Variants in CEP170B observed in about 807,000 individuals in gnomAD.
CEP170B encodes centrosomal protein 170B, also known as centrosomal protein of 170 kDa protein B.
Under a neutral mutation model 120.6 loss-of-function variants are expected in CEP170B, and 55 were observed. The ratio of observed to expected loss-of-function variants is 0.46; its 90% confidence interval spans 0.37 to 0.57. The LOEUF is 0.57. Ranked by LOEUF, CEP170B falls within the 20% of genes least tolerant of loss-of-function variation. The pLI, the probability that CEP170B is intolerant of heterozygous loss-of-function variation, is 0.00. For synonymous variants in CEP170B, 1,033 were observed against 954.5 expected, an observed-to-expected ratio of 1.08 and a Z score of -1.52; for missense variants, 2,212 against 2,253.3, an observed-to-expected ratio of 0.98 and a Z score of 0.37.
intron 6 of CEP170B, among the ~76,000 whole-genome samples, chr14:104,880,688 C>T (rs116839519): frequency 6.6e-6 from 1 of 151,450 alleles, no homozygotes; most frequent in South Asian, 2.1e-4. Flanking sequence ...CACACCTACC[C>T]ATGCATGCCT....
rs1896520481 is a variant in CEP170B, at chr14:104,886,565, G to A, written c.2326G>A (p.Gly776Arg). The A allele has an allele frequency of 6.6e-7, 1 of 1,509,652 alleles. No homozygotes were observed. Among genetic ancestry groups the A allele is most frequent in the Admixed American group, 2.3e-5 (1 of 42,788 alleles). 93.5% of individuals were successfully genotyped at this position (1,509,652 alleles called of 1,614,324 possible). A position where few individuals can be genotyped will look rare whatever the true frequency, so the allele number is the denominator to read the frequency against. Residue 776 changes from glycine (G) to arginine (R), a missense_variant, in exon 12 of 19, where the codon GGG (glycine) becomes AGG (arginine). By Grantham distance (125) the Gly-to-Arg change is moderately radical. Transcript: ENST00000414716. Reference protein sequence around the residue: ...QDSRRRSPQEGPTWSRGRRSP... With the variant: ...QDSRRRSPQERPTWSRGRRSP... Reference sequence around the variant, plus strand: ...CAGCAGACGCAGGAGCCCCCAGGAGGGGCCCACGTGGAGCAGGGGTCGGCG... The same window carrying A: ...CAGCAGACGCAGGAGCCCCCAGGAGAGGCCCACGTGGAGCAGGGGTCGGCG...
chr14:104,886,297 C>A lies in CEP170B; in HGVS notation c.2058C>A (p.Gly686=). ...CAGAGGATGGCCTGGGACGTAGAGG[C>A]GGGGAGCCGGAGGGGTCCCTGCCTG... is the stretch of plus-strand genomic sequence containing the variant. The part of the protein sequence containing the change: ...GLTEDGLGRR[G]GEPEGSLPVR... Residue 686 remains glycine (G), a synonymous_variant, in exon 12 of 19, where the codon GGC becomes GGA. Transcript: ENST00000414716. 1.3e-6 allele frequency: 2 copies of A among 1,535,678 alleles called. No individual in the cohort carries two copies. Among genetic ancestry groups the A allele is most frequent in the Admixed American group, 1.9e-5 (1 of 51,676 alleles).
chr14:104,873,226 TC>T (rs1335353131), intron 2 of CEP170B, among the ~76,000 whole-genome samples: 2 of 131,140 alleles, frequency 1.5e-5, no homozygotes, highest in Non-Finnish European at 1.6e-5. Context: ...GCAGCTGGGC[TC>T]GGGGTGTTAA....
chr14:104,896,358 CT>C lies in CEP170B; in HGVS notation c.*1401del, dbSNP rs1478148405. 1.3e-4 allele frequency: 44 copies of C among 341,514 alleles called. No homozygotes were observed. The highest frequency in any genetic ancestry group is 1.1e-3 in the Middle Eastern group (1 of 900). 21.2% of individuals were successfully genotyped at this position (341,514 alleles called of 1,614,324 possible). A position where few individuals can be genotyped will look rare whatever the true frequency, so the allele number is the denominator to read the frequency against. ...GGGCGGGGGTGGCAGGTGTCCCCCC[CT>C]GGTCCCCGCCCCAAGAGCCTGCTGT... On this transcript the variant is annotated 3_prime_UTR_variant, in exon 19 of 19. Transcript: ENST00000414716.
rs4267249 is a variant in CEP170B at position 104,891,695 on chromosome 14, G to A, written c.3879-1281G>A. 0.51 allele frequency among the ~76,000 whole-genome samples: 77,208 copies of A among 151,728 alleles called. 23,916 individuals carry two copies. Among genetic ancestry groups the A allele is most frequent in the Middle Eastern group, 0.75 (220 of 292 alleles). The stretch of plus-strand genomic sequence containing the variant: ...GTGCTTCCAGGCCTGAGAGCAGAAG[G>A]GGATGTGGGGGGCCCATGTGGGTTT... On this transcript the variant is annotated intron_variant, in intron 13 of 18. Coordinates refer to ENST00000414716, the MANE Select transcript of CEP170B (RefSeq NM_001112726.3). This position sits in a 1 kb window ranked among gnomAD's most constrained non-coding sequence, Gnocchi z 4.3.
chr14:104,882,913 G>A, intron 7 of CEP170B, 81 bp downstream of exon 7: 1 of 1,486,510 alleles, frequency 6.7e-7, no homozygotes, highest in Non-Finnish European at 9.1e-7. Flanking sequence ...GGCTTGAGGA[G>A]CCCACTCCGG....
chr14:104,885,382 T>C lies in CEP170B; in HGVS notation c.1784T>C (p.Leu595Ser). Residue 595 changes from leucine (L) to serine (S), a missense_variant, in exon 10 of 19, where the codon TTG (leucine) becomes TCG (serine). Coordinates refer to ENST00000414716, the MANE Select transcript of CEP170B (RefSeq NM_001112726.3). ...RKMIDQVFGV[L>S]ESPELSRASS... ...TCCTCTTGGCAGGTCTTTGGGGTGT[T>C]GGAGTCCCCTGAACTCTCCAGGGCA... is the stretch of plus-strand genomic sequence containing the variant. 1 of 1,565,188 alleles carries C rather than the reference T, an allele frequency of 6.4e-7. No individual in the cohort carries two copies. The highest frequency in any genetic ancestry group is 8.7e-7 in the Non-Finnish European group (1 of 1,155,800).
rs1370181107 is a variant in CEP170B at position 104,887,235 on chromosome 14, C to T, written c.2996C>T (p.Ala999Val). Reference protein sequence around the residue: ...PPAAQDPGGTALVSAREQSSE... With the variant: ...PPAAQDPGGTVLVSAREQSSE... ...GCTGCACAGGACCCGGGAGGCACCG[C>T]CCTGGTCAGTGCCCGTGAGCAGTCC... The change falls in exon 12 of 19, where the codon GCC becomes GTC. Residue 999 changes from alanine to valine, a missense_variant. By Grantham distance (64) the Ala-to-Val change is moderately conservative. Coordinates refer to ENST00000414716, the MANE Select transcript of CEP170B (RefSeq NM_001112726.3). 2.5e-6 allele frequency: 4 copies of T among 1,606,458 alleles called. No individual in the cohort carries two copies. The highest frequency in any genetic ancestry group is 1.7e-5 in the Admixed American group (1 of 59,960).
intron 3 of CEP170B, 112 bp downstream of exon 3, chr14:104,876,457 G>C: frequency 2.1e-6 from 2 of 958,896 alleles, no homozygotes; most frequent in Admixed American, 4.3e-5. Flanking sequence ...TCTCAGCCCT[G>C]GCCCCTCCCT....
chr14:104,890,110 GTGGA>G (rs1240800716), intron 13 of CEP170B, among the ~76,000 whole-genome samples: 6 of 76,086 alleles, frequency 7.9e-5, no homozygotes, highest in African/African-American at 3.4e-4. Context: ...GGGTGGGTGG[GTGGA>G]TGGATGGATG....
intron 5 of CEP170B, 81 bp downstream of exon 5, chr14:104,878,582 C>T (rs528104117): frequency 1.9e-4 from 281 of 1,471,446 alleles, no homozygotes; most frequent in Non-Finnish European, 2.4e-4. Flanking sequence ...GCTGCCATCT[C>T]CCCAGCAAAC....
chr14:104,877,079 C>G (rs1015270157), intron 3 of CEP170B, among the ~76,000 whole-genome samples: 2 of 152,108 alleles, frequency 1.3e-5, no homozygotes, highest in East Asian at 3.9e-4. Context: ...CTGCACTCTG[C>G]AGTCCTGAGC....
rs1896561916 is a variant in CEP170B, at chr14:104,887,072, C to T, written c.2833C>T (p.Pro945Ser). 1 of 1,611,312 alleles carries T rather than the reference C, an allele frequency of 6.2e-7. No individual in the cohort carries two copies. Among genetic ancestry groups the T allele is most frequent in the South Asian group, 1.1e-5 (1 of 91,088 alleles). ...AECEGGSTPR[P>S]PEDALSGDSD... ...GTGTGAGGGGGGCAGCACCCCGAGGCCGCCGGAGGACGCCCTGTCTGGGGA... is the reference window on the plus strand; with the variant it reads ...GTGTGAGGGGGGCAGCACCCCGAGGTCGCCGGAGGACGCCCTGTCTGGGGA... Residue 945 changes from proline (P) to serine (S), a missense_variant, in exon 12 of 19, where the codon CCG becomes TCG. By Grantham distance (74) the Pro-to-Ser change is moderately conservative. This residue lies in a region of CEP170B where 2,166 missense variants were observed against 2,166.7 expected (regional missense o/e 1.00). Coordinates refer to ENST00000414716, the MANE Select transcript of CEP170B (RefSeq NM_001112726.3).
In CEP170B at chr14:104,882,933, G is replaced by A. The variant is rs139588643; in HGVS notation, c.577+101G>A. On this transcript the variant is annotated intron_variant, in intron 7 of 18. Transcript: ENST00000414716. Reference sequence around the variant, plus strand: ...GAGGAGCCCACTCCGGGGGACATGGGGCCTGTCTCCCCCTCTTGGGTGGAG... The same window carrying A: ...GAGGAGCCCACTCCGGGGGACATGGAGCCTGTCTCCCCCTCTTGGGTGGAG... 2.9e-4 allele frequency: 422 copies of A among 1,450,824 alleles called. No individual in the cohort carries two copies. The African/African-American group carries it at 4.8e-3, about 17-fold the overall frequency. The allele number at this position is 1,450,824 out of a possible 1,614,324, so 89.9% of individuals were successfully genotyped here.
rs1249272061 is a variant in CEP170B at position 104,893,571 on chromosome 14, C to T, written c.4087C>T (p.Pro1363Ser). 1.2e-6 allele frequency: 2 copies of T among 1,605,232 alleles called. No individual in the cohort carries two copies. Among genetic ancestry groups the T allele is most frequent in the Non-Finnish European group, 1.7e-6 (2 of 1,177,172 alleles). The change falls in exon 15 of 19, where the codon CCC (proline) becomes TCC (serine). Residue 1363 changes from proline (P) to serine (S), a missense_variant. By Grantham distance (74) the Pro-to-Ser change is moderately conservative (BLOSUM62 -1). This residue lies in a region of CEP170B where 2,166 missense variants were observed against 2,166.7 expected (regional missense o/e 1.00). Coordinates refer to ENST00000414716, the MANE Select transcript of CEP170B (RefSeq NM_001112726.3). Reference protein sequence around the residue: ...EASLNFQKVPPGSLNSRDFDQ... With the variant: ...EASLNFQKVPSGSLNSRDFDQ... ...CAGCCTCAACTTCCAGAAGGTGCCG[C>T]CCGGCTCGCTGAACTCTCGGGACTT...
In CEP170B at chr14:104,895,060, C is replaced by T; in HGVS notation, c.*102C>T. ...GCCGCAGGTGGTTCTCCCTGAAGACCCCCACATGTGCCATATCCCTGTGGG... is the reference window on the plus strand; with the variant it reads ...GCCGCAGGTGGTTCTCCCTGAAGACTCCCACATGTGCCATATCCCTGTGGG... On this transcript the variant is annotated 3_prime_UTR_variant, in exon 19 of 19. Coordinates refer to ENST00000414716, the MANE Select transcript of CEP170B (RefSeq NM_001112726.3). 7.5e-7 allele frequency: 1 copy of T among 1,329,010 alleles called. No homozygotes were observed. Among genetic ancestry groups the T allele is most frequent in the South Asian group, 1.5e-5 (1 of 66,018 alleles). The allele number at this position is 1,329,010 out of a possible 1,614,324, so 82.3% of individuals were successfully genotyped here.
In CEP170B at chr14:104,891,655, C is replaced by T. The variant is rs1896860396; in HGVS notation, c.3879-1321C>T. ...CTCTGGACAGAGACACTGCACCTGG[C>T]TGAGAAGGGGGTGGGTGCTTCCAGG... is the stretch of plus-strand genomic sequence containing the variant. On this transcript the variant is annotated intron_variant, in intron 13 of 18. Transcript: ENST00000414716. The surrounding 1 kb of genome is among the most constrained non-coding windows in gnomAD (Gnocchi z 4.3). Among the ~76,000 whole-genome samples, 1 of 151,764 alleles carries T rather than the reference C, an allele frequency of 6.6e-6. No individual in the cohort carries two copies. The highest frequency in any genetic ancestry group is 2.4e-5 in the African/African-American group (1 of 41,262).
intron 11 of CEP170B, 29 bp downstream of exon 11, chr14:104,886,159 C>T (rs376856618): frequency 1.2e-5 from 18 of 1,502,898 alleles, no homozygotes; most frequent in Admixed American, 6.5e-5. Context: ...GCGGGGGAGT[C>T]GGGCCAGGCC....
At chr14:104,878,068 G>T in intron 4 of CEP170B, 105 bp downstream of exon 4, 9 of 954,132 alleles carry the variant, frequency 9.4e-6, no homozygotes, top group Non-Finnish European at 1.5e-5. Context: ...GGGGTTGCTG[G>T]GTAACAGAGC....
Sources: allele counts gnomAD v4.1 joint callset (sites outside exome capture counted in the v4.1 genomes callset), GRCh38; gene constraint gnomAD v4.1.1; regional missense constraint gnomAD v4.1.1; non-coding constraint Gnocchi (gnomAD v3.1); transcripts MANE v1.5; gene names NCBI Gene and HGNC (gene_info 2026-07-23, HGNC 2026-07-21).